NRG1: variants seen among roughly 807,000 people sequenced by gnomAD.
NRG1 encodes the protein pro-neuregulin-1, membrane-bound isoform.
A neutral mutation model predicts 63.8 loss-of-function variants in NRG1; 18 were observed. The ratio of observed to expected loss-of-function variants is 0.28; its 90% confidence interval spans 0.19 to 0.42. The LOEUF (loss-of-function observed/expected upper bound fraction) is 0.42. Among genes scored for constraint, NRG1 ranks in the 10% least tolerant of loss-of-function variants. The probability of loss-of-function intolerance (pLI) is 1.00; values close to 1 mark genes in which losing one functional copy is unlikely to be tolerated. For synonymous variants in NRG1, 302 were observed against 301.3 expected (o/e 1.00, Z -0.02); for missense variants, 762 against 814.7 (o/e 0.94, Z 0.79).
chr8:32,501,921 G>A (rs547595416), intron 1 of NRG1, among the ~76,000 whole-genome samples: 137 of 152,244 alleles, frequency 9.0e-4, no homozygotes, highest in Non-Finnish European at 1.7e-3. Context: ...GAGGCCAGGA[G>A]TTCAAGACCA....
chr8:32,345,745 G>T (rs1412032104), intron 1 of NRG1, among the ~76,000 whole-genome samples: 1 of 152,092 alleles, frequency 6.6e-6, no homozygotes. Flanking sequence ...TGAGGCGGGT[G>T]GATCATTTGA....
At chr8:32,604,116 A>G (rs111836714) in intron 2 of NRG1, among the ~76,000 whole-genome samples, 3,575 of 152,294 alleles carry the variant, frequency 0.023, 65 homozygotes, top group African/African-American at 0.053. Context: ...CAGGGCTGTC[A>G]GAATTTAGAC....
chr8:32,592,512 C>G (rs1177305959), intron 1 of NRG1, among the ~76,000 whole-genome samples: 1 of 152,066 alleles, frequency 6.6e-6, no homozygotes, highest in African/African-American at 2.4e-5. Flanking sequence ...GAATATCTCT[C>G]ATTTTGAATT....
chr8:32,032,164 T>C (rs1818350107), intron 1 of NRG1, among the ~76,000 whole-genome samples: 1 of 152,232 alleles, frequency 6.6e-6, no homozygotes, highest in Non-Finnish European at 1.5e-5. Context: ...TGAGATAGTA[T>C]CTCATTGTGG....
At chr8:32,768,124 T>C (rs1376489705), downstream of NRG1, among the ~76,000 whole-genome samples, 2 of 152,162 alleles carry the variant, frequency 1.3e-5, no homozygotes, top group African/African-American at 4.8e-5. Context: ...CACCACCTGT[T>C]CTCAAATCAT....
intron 1 of NRG1, among the ~76,000 whole-genome samples, chr8:32,541,863 A>C (rs962410537): frequency 6.6e-6 from 1 of 152,174 alleles, no homozygotes; most frequent in Non-Finnish European, 1.5e-5. Flanking sequence ...TTAAATCGAA[A>C]CTCAAAGATA....
chr8:32,743,597 A>ATATATATATATATAT (rs1335040311), intron 7 of NRG1, among the ~76,000 whole-genome samples: 144 of 36,990 alleles, frequency 3.9e-3, no homozygotes, highest in Middle Eastern at 0.029. Flanking sequence ...TATATATATA[A>ATATATATATATATAT]AACTTAATAA....
downstream of NRG1, among the ~76,000 whole-genome samples, chr8:32,769,255 C>G (rs545622165): frequency 5.3e-5 from 8 of 152,212 alleles, no homozygotes; most frequent in African/African-American, 1.9e-4. Context: ...AATTGTTTGC[C>G]TGGGATATAG....
At chr8:32,548,666 C>T in exon 1 of NRG1, 2 of 1,533,380 alleles carry the variant, frequency 1.3e-6, no homozygotes, top group South Asian at 1.2e-5. Context: ...CGATCCGAGC[C>T]CTTGGACCAA....
At chr8:32,772,039 ATGTATATATATATATATATATATAT>A (rs1831852266), downstream of NRG1, among the ~76,000 whole-genome samples, 1 of 45,288 alleles carries the variant, frequency 2.2e-5, no homozygotes, top group African/African-American at 8.7e-5. Flanking sequence ...AAAAAAAAAT[ATGTATATATATATATATATATATAT>A]ATATATATAT....
At chr8:32,763,662 A>G in intron 11 of NRG1, 86 bp from the exon 12 acceptor site, 1 of 1,254,424 alleles carries the variant, frequency 8.0e-7, no homozygotes, top group Non-Finnish European at 1.1e-6. Flanking sequence ...CTGATGATAT[A>G]ATACCGTGAA....
chr8:31,740,609 C>T (rs1353580982), intron 1 of NRG1, among the ~76,000 whole-genome samples: 1 of 151,844 alleles, frequency 6.6e-6, no homozygotes, highest in Non-Finnish European at 1.5e-5. Flanking sequence ...TTGCAAATAA[C>T]TCTCCCTTCT....
rs574718837 is a variant in NRG1 at position 32,053,243 on chromosome 8, G to T, written c.37+413812G>T. 2.6e-5 allele frequency among the ~76,000 whole-genome samples: 4 copies of T among 152,212 alleles called. No individual in the cohort carries two copies. The South Asian group carries it at 8.3e-4, about 32-fold the overall frequency. ...CTCCATATTTGACCAAAAGGTGTGT[G>T]AGGGCTGTGTCCATTTCATCACTTG... On this transcript the variant is annotated intron_variant, in intron 1 of 10. Transcript: ENST00000519301.
At chr8:31,853,072 C>T (rs1191044069) in intron 1 of NRG1, among the ~76,000 whole-genome samples, 1 of 151,590 alleles carries the variant, frequency 6.6e-6, no homozygotes, top group South Asian at 2.1e-4. Flanking sequence ...TCTTTTGGCT[C>T]AGGATTGACT....
intron 1 of NRG1, among the ~76,000 whole-genome samples, chr8:32,523,988 C>G (rs532956855): frequency 6.6e-6 from 1 of 151,906 alleles, no homozygotes; most frequent in South Asian, 2.1e-4. Flanking sequence ...ACTTGGTGTC[C>G]TGTATCAGAT....
At chr8:32,568,764 A>T (rs960721447) in intron 1 of NRG1, among the ~76,000 whole-genome samples, 2 of 152,236 alleles carry the variant, frequency 1.3e-5, no homozygotes, top group African/African-American at 4.8e-5. Context: ...GAGTAAGTCA[A>T]AAGAGATCTT....
chr8:31,685,209 A>G (rs998941542), intron 1 of NRG1, among the ~76,000 whole-genome samples: 3 of 152,282 alleles, frequency 2.0e-5, no homozygotes, highest in African/African-American at 7.2e-5. Context: ...ATATTTAACC[A>G]TGGTTAATGG....
At chr8:32,308,621 T>C (rs1856484953) in intron 1 of NRG1, among the ~76,000 whole-genome samples, 1 of 152,214 alleles carries the variant, frequency 6.6e-6, no homozygotes, top group Non-Finnish European at 1.5e-5. Context: ...TCCACCATTC[T>C]TTCTCTTTTT....
chr8:32,017,537 G>A (rs2100879), intron 1 of NRG1, among the ~76,000 whole-genome samples: 138,994 of 152,212 alleles, frequency 0.91, 64,185 homozygotes, highest in East Asian at 1. Flanking sequence ...ACCACCGTTC[G>A]CTTCACATGG....
Sources: gnomAD v4.1 joint callset for allele counts (sites outside exome capture counted in the v4.1 genomes callset) on GRCh38, gnomAD v4.1.1 for gene constraint, MANE v1.5 for transcripts, NCBI Gene and HGNC (gene_info 2026-07-23, HGNC 2026-07-21) for gene names.